FEM1C: variants seen among roughly 807,000 people sequenced by gnomAD.
The protein encoded by FEM1C is protein fem-1 homolog C.
FEM1C carries 15 observed loss-of-function variants against 37.6 expected under a neutral mutation model. The observed-to-expected ratio is 0.40, with a 90% CI of 0.27 to 0.61. The LOEUF (loss-of-function observed/expected upper bound fraction) is 0.61. FEM1C is among the 20% of genes least tolerant of loss of function. The pLI is 0.42. For synonymous variants in FEM1C, 287 were observed against 272.8 expected, an observed-to-expected ratio of 1.05 and a Z score of -0.51; for missense variants, 532 against 749.7, an observed-to-expected ratio of 0.71 and a Z score of 3.39.
intron 1 of FEM1C, chr5:115,544,007 A>T (rs1754300242): frequency 1.0e-6 from 1 of 985,284 alleles, no homozygotes; most frequent in Non-Finnish European, 1.2e-6. Flanking sequence ...GGAGAGTACA[A>T]CCGAAAGAGG....
Position 115,524,256 on chromosome 5 carries a change from A to T in FEM1C, c.*52T>A. 2 of 1,466,272 alleles carry T rather than the reference A, an allele frequency of 1.4e-6. No homozygotes were observed. Among genetic ancestry groups the T allele is most frequent in the Admixed American group, 3.4e-5 (2 of 58,182 alleles). 90.8% of individuals were successfully genotyped at this position (1,466,272 alleles called of 1,614,324 possible). On this transcript the variant is annotated 3_prime_UTR_variant, in exon 3 of 3. Transcript: ENST00000274457. ...GTTATCACAACAGTGCTCATTTATG[A>T]AACAACTGTTACCAATTCGTGCTTT...
At chr5:115,541,298 G>C (rs1053156132) in intron 2 of FEM1C, among the ~76,000 whole-genome samples, 1 of 152,044 alleles carries the variant, frequency 6.6e-6, no homozygotes, top group African/African-American at 2.4e-5. Context: ...TATTATCCCT[G>C]AGTACTGGGA....
chr5:115,527,896 G>C (rs1033371270), intron 2 of FEM1C, among the ~76,000 whole-genome samples: 1 of 151,292 alleles, frequency 6.6e-6, no homozygotes, highest in Admixed American at 6.6e-5. Flanking sequence ...AGCTACTTGG[G>C]AGGCTGAGGC....
chr5:115,539,680 G>A (rs1208516492), intron 2 of FEM1C, among the ~76,000 whole-genome samples: 6 of 152,044 alleles, frequency 3.9e-5, no homozygotes. Flanking sequence ...TGTGGTTTAA[G>A]TATCTGCTTA....
intron 2 of FEM1C, among the ~76,000 whole-genome samples, chr5:115,536,228 T>A (rs1754125047): frequency 6.6e-6 from 1 of 152,044 alleles, no homozygotes; most frequent in Non-Finnish European, 1.5e-5. Context: ...TTTATCTCAA[T>A]AAGGCTGTTT....
chr5:115,522,348 A>G lies in FEM1C; in HGVS notation c.*1960T>C, dbSNP rs1204245282. On this transcript the variant is annotated 3_prime_UTR_variant, in exon 3 of 3. Coordinates refer to ENST00000274457, the MANE Select transcript of FEM1C (RefSeq NM_020177.3). ...TTTCTAGAATATTGGTCTAAATCATAAAGTATTCTTAATATATGTGACAGT... is the reference window on the plus strand; with the variant it reads ...TTTCTAGAATATTGGTCTAAATCATGAAGTATTCTTAATATATGTGACAGT... 6.6e-6 allele frequency: 1 copy of G among 151,934 alleles called. No homozygotes were observed. The highest frequency in any genetic ancestry group is 1.5e-5 in the Non-Finnish European group (1 of 67,868). The allele number at this position is 151,934 out of a possible 1,614,324, so 9.4% of individuals were successfully genotyped here.
chr5:115,525,796 A>G (rs1753878771), intron 2 of FEM1C, among the ~76,000 whole-genome samples, 179 bp from the exon 3 acceptor site: 2 of 152,180 alleles, frequency 1.3e-5, no homozygotes, highest in African/African-American at 4.8e-5. Context: ...AGTATCTGAT[A>G]TTAAACTTAT....
chr5:115,536,622 T>C (rs1469732815), intron 2 of FEM1C, among the ~76,000 whole-genome samples: 3 of 151,898 alleles, frequency 2.0e-5, no homozygotes, highest in African/African-American at 7.2e-5. Flanking sequence ...AAGGATTCTC[T>C]GCTTAGAATG....
At chr5:115,538,081 C>G (rs1754163912) in intron 2 of FEM1C, among the ~76,000 whole-genome samples, 1 of 151,884 alleles carries the variant, frequency 6.6e-6, no homozygotes, top group African/African-American at 2.4e-5. Flanking sequence ...CTTTAAACTA[C>G]TATAGAAAAC....
rs1753763888 is a variant in FEM1C, at chr5:115,521,086, AAAAAAAG to A, written c.*3215_*3221del. 1 of 151,702 alleles carries A rather than the reference AAAAAAAG, an allele frequency of 6.6e-6. No homozygotes were observed. The highest frequency in any genetic ancestry group is 1.5e-5 in the Non-Finnish European group (1 of 67,646). 9.4% of individuals were successfully genotyped at this position (151,702 alleles called of 1,614,324 possible). A position where few individuals can be genotyped will look rare whatever the true frequency, so the allele number is the denominator to read the frequency against. On this transcript the variant is annotated 3_prime_UTR_variant, in exon 3 of 3. Transcript: ENST00000274457. ...TTAGTGACACATAAGGGCAAAAAAAAAAAAAAGAAAAAGAAAAAAAGAAAATGATGAT... is the reference window on the plus strand; with the variant it reads ...TTAGTGACACATAAGGGCAAAAAAAAAAAAAGAAAAAAAGAAAATGATGAT...
intron 1 of FEM1C, chr5:115,543,934 G>A: frequency 1.0e-6 from 1 of 985,310 alleles, no homozygotes; most frequent in Non-Finnish European, 1.2e-6. Flanking sequence ...CAGGCAGCCC[G>A]TTTTCTCGCC....
At chr5:115,539,362 C>G (rs376730329) in intron 2 of FEM1C, among the ~76,000 whole-genome samples, 4 of 152,026 alleles carry the variant, frequency 2.6e-5, no homozygotes, top group East Asian at 3.9e-4. Context: ...ACAAAAGAAC[C>G]AAAGGAGGCC....
chr5:115,544,145 G>A (rs1754304351), intron 1 of FEM1C: 18 of 985,406 alleles, frequency 1.8e-5, no homozygotes, highest in Non-Finnish European at 2.0e-5. Flanking sequence ...ACCAAACCCC[G>A]GCTAAGGCCA....
At chr5:115,530,334 T>C (rs1753988174) in intron 2 of FEM1C, among the ~76,000 whole-genome samples, 1 of 152,062 alleles carries the variant, frequency 6.6e-6, no homozygotes, top group Non-Finnish European at 1.5e-5. Flanking sequence ...ATTCAAAATA[T>C]ACAGATATAA....
intron 2 of FEM1C, among the ~76,000 whole-genome samples, chr5:115,526,782 T>C (rs1753904155): frequency 6.6e-6 from 1 of 152,106 alleles, no homozygotes; most frequent in Non-Finnish European, 1.5e-5. Flanking sequence ...GCTGGGAACT[T>C]GGCTGGTAAA....
intron 2 of FEM1C, among the ~76,000 whole-genome samples, chr5:115,531,208 A>G (rs866302993): frequency 1.3e-5 from 2 of 152,236 alleles, no homozygotes; most frequent in Middle Eastern, 6.8e-3. Flanking sequence ...CTCAATGAAT[A>G]AATTATATCT....
intron 2 of FEM1C, among the ~76,000 whole-genome samples, chr5:115,540,278 C>T (rs1409287594): frequency 6.6e-6 from 1 of 151,972 alleles, no homozygotes; most frequent in East Asian, 1.9e-4. Context: ...GGAGGATGAA[C>T]ATGTACTTTA....
At chr5:115,529,353 C>G (rs1232162867) in intron 2 of FEM1C, among the ~76,000 whole-genome samples, 1 of 152,020 alleles carries the variant, frequency 6.6e-6, no homozygotes, top group African/African-American at 2.4e-5. Context: ...AAGTTTTCAT[C>G]AGGAACAACA....
At chr5:115,532,542 A>G (rs978403857) in intron 2 of FEM1C, among the ~76,000 whole-genome samples, 55 of 150,648 alleles carry the variant, frequency 3.7e-4, no homozygotes, top group South Asian at 6.3e-4. Flanking sequence ...AACAGAGGGG[A>G]AAAAAAAAAG....
Sources: gnomAD v4.1 joint callset for allele counts (sites outside exome capture counted in the v4.1 genomes callset) on GRCh38, gnomAD v4.1.1 for gene constraint, MANE v1.5 for transcripts, NCBI Gene and HGNC (gene_info 2026-07-23, HGNC 2026-07-21) for gene names.